ADRA1A: variants seen among roughly 807,000 people sequenced by gnomAD.
The protein encoded by ADRA1A is adrenoceptor alpha 1A.
In ADRA1A, 31 loss-of-function variants were observed where a neutral mutation model predicts 29.6. The observed-to-expected ratio is 1.05, with a 90% CI of 0.79 to 1.41. The LOEUF is 1.41. ADRA1A is among the 40% of genes most tolerant of loss of function. The pLI is 0.00. For missense variants in ADRA1A, 619 were observed against 601.1 expected (o/e 1.03, Z -0.31); for synonymous variants, 311 against 254.3 (o/e 1.22, Z -2.12).
downstream of ADRA1A, among the ~76,000 whole-genome samples, chr8:26,764,578 G>C (rs1805673822): frequency 6.6e-6 from 1 of 152,190 alleles, no homozygotes; most frequent in Non-Finnish European, 1.5e-5. Context: ...AAAGGAGTCG[G>C]AGGCTGGATT....
chr8:26,762,973 A>G (rs1047858332), downstream of ADRA1A, among the ~76,000 whole-genome samples: 1 of 152,160 alleles, frequency 6.6e-6, no homozygotes, highest in African/African-American at 2.4e-5. The surrounding 1 kb of genome is among the most constrained non-coding windows in gnomAD (Gnocchi z 4.0). Context: ...TGGTATTCTT[A>G]GGGGAGGGCT....
downstream of ADRA1A, chr8:26,765,783 A>G (rs368413293): frequency 1.6e-6 from 2 of 1,214,798 alleles, no homozygotes; most frequent in Non-Finnish European, 2.1e-6. Context: ...TTTTTGGCCA[A>G]AGGACCTGAG....
chr8:26,774,038 G>A (rs914101118), intron 2 of ADRA1A, among the ~76,000 whole-genome samples: 3 of 152,206 alleles, frequency 2.0e-5, no homozygotes, highest in Admixed American at 6.5e-5. Context: ...CTAACCCCAG[G>A]AATATTTTCT....
chr8:26,765,268 C>A (rs1004305386), downstream of ADRA1A, among the ~76,000 whole-genome samples: 3 of 152,212 alleles, frequency 2.0e-5, no homozygotes, highest in Non-Finnish European at 4.4e-5. Flanking sequence ...AATTCTCAAC[C>A]CCTCCTCCAC....
At chr8:26,822,896 A>T (rs1433261081) in intron 2 of ADRA1A, among the ~76,000 whole-genome samples, 1 of 152,108 alleles carries the variant, frequency 6.6e-6, no homozygotes, top group East Asian at 1.9e-4. Flanking sequence ...ACACACTTTT[A>T]ATAAACAAAT....
intron 2 of ADRA1A, among the ~76,000 whole-genome samples, chr8:26,812,725 C>A (rs552725340): frequency 6.6e-6 from 1 of 151,468 alleles, no homozygotes; most frequent in Admixed American, 6.6e-5. Context: ...AGTGCAGTGG[C>A]GCGGTCTCGG....
chr8:26,769,048 T>C lies in ADRA1A; in HGVS notation c.*1101A>G, dbSNP rs1805948190. On this transcript the variant is annotated 3_prime_UTR_variant, in exon 3 of 3. Transcript: ENST00000380573. ...AGTATTTTTCAAAGTTCGGGAATAATGTACTTGGATCATAAGGCTCATTCC... is the reference window on the plus strand; with the variant it reads ...AGTATTTTTCAAAGTTCGGGAATAACGTACTTGGATCATAAGGCTCATTCC... The C allele has an allele frequency of 2.0e-6, 2 of 985,334 alleles. No homozygotes were observed. The highest frequency in any genetic ancestry group is 4.7e-5 in the South Asian group (1 of 21,296). 61.0% of individuals were successfully genotyped at this position (985,334 alleles called of 1,614,324 possible).
intron 2 of ADRA1A, among the ~76,000 whole-genome samples, chr8:26,785,947 T>G (rs1458982655): frequency 6.6e-6 from 1 of 152,202 alleles, no homozygotes; most frequent in East Asian, 1.9e-4. Flanking sequence ...TGTCAGGCCC[T>G]ACTCAGCCAC....
chr8:26,808,942 G>T (rs1364903811), intron 2 of ADRA1A, among the ~76,000 whole-genome samples: 1 of 152,160 alleles, frequency 6.6e-6, no homozygotes, highest in Non-Finnish European at 1.5e-5. Context: ...GCCATTAGAG[G>T]TATCCCAATG....
At chr8:26,813,731 G>T (rs1809574364) in intron 2 of ADRA1A, among the ~76,000 whole-genome samples, 1 of 136,402 alleles carries the variant, frequency 7.3e-6, no homozygotes, top group Non-Finnish European at 1.5e-5. Flanking sequence ...TGATAAGGTG[G>T]CATTTTTTCT....
At chr8:26,783,106 C>T (rs1807114786) in intron 2 of ADRA1A, among the ~76,000 whole-genome samples, 1 of 152,226 alleles carries the variant, frequency 6.6e-6, no homozygotes, top group Non-Finnish European at 1.5e-5. Flanking sequence ...ACCCATTTCT[C>T]ACACTCTTGC....
In ADRA1A at chr8:26,841,326, A is replaced by G. The variant is rs1373814009; in HGVS notation, c.883+22761T>C. Reference sequence around the variant, plus strand: ...GAGGACCACAGTCTCAAGGCCACCTACAGTTTCCTTTACCACCCACTGTCT... The same window carrying G: ...GAGGACCACAGTCTCAAGGCCACCTGCAGTTTCCTTTACCACCCACTGTCT... On this transcript the variant is annotated intron_variant, in intron 2 of 2. Coordinates refer to ENST00000380573, the MANE Select transcript of ADRA1A (RefSeq NM_000680.4). The surrounding 1 kb of genome is among the most constrained non-coding windows in gnomAD (Gnocchi z 4.4). 2.0e-5 allele frequency among the ~76,000 whole-genome samples: 3 copies of G among 152,162 alleles called. No individual in the cohort carries two copies. Among genetic ancestry groups the G allele is most frequent in the Non-Finnish European group, 4.4e-5 (3 of 68,016 alleles).
intron 2 of ADRA1A, among the ~76,000 whole-genome samples, chr8:26,807,567 G>A (rs1324431130): frequency 6.7e-6 from 1 of 148,800 alleles, no homozygotes; most frequent in Non-Finnish European, 1.5e-5. Context: ...TTCAAAGTGG[G>A]GAGGACCATA....
intron 2 of ADRA1A, among the ~76,000 whole-genome samples, chr8:26,804,040 G>A (rs116221329): frequency 0.018 from 2,610 of 145,814 alleles, 66 homozygotes; most frequent in African/African-American, 0.06. Flanking sequence ...TTCCACCACA[G>A]CATCCCAAGT....
In ADRA1A at chr8:26,770,350, G is replaced by A; in HGVS notation, c.1200C>T (p.Phe400=). 3.7e-6 allele frequency: 6 copies of A among 1,614,232 alleles called. No individual in the cohort carries two copies. The highest frequency in any genetic ancestry group is 2.2e-5 in the East Asian group (1 of 44,872). ...KTDGVCEWKF[F]SSMPRGSARI... ...TGGCAGATCCACGGGGCATGGAAGA[G>A]AAAAATTTCCATTCACAAACGCCAT... is the stretch of plus-strand genomic sequence containing the variant. The change falls in exon 3 of 3, where the codon TTC becomes TTT. Residue 400 remains phenylalanine (F), a synonymous_variant. Transcript: ENST00000380573.
chr8:26,826,863 GAA>G (rs1353806975), intron 2 of ADRA1A, among the ~76,000 whole-genome samples: 3 of 152,194 alleles, frequency 2.0e-5, no homozygotes, highest in African/African-American at 7.2e-5. Flanking sequence ...TTCCCAACTG[GAA>G]ATAGATTCAA....
At chr8:26,830,738 C>A (rs554770849) in intron 2 of ADRA1A, among the ~76,000 whole-genome samples, 5 of 152,132 alleles carry the variant, frequency 3.3e-5, no homozygotes, top group Non-Finnish European at 7.3e-5. Context: ...CTGAGATGAT[C>A]CTAGGGGAAA....
intron 2 of ADRA1A, among the ~76,000 whole-genome samples, chr8:26,760,680 A>G (rs1001421174): frequency 3.3e-5 from 5 of 151,772 alleles, no homozygotes; most frequent in African/African-American, 9.7e-5. Flanking sequence ...TTCTTATCCC[A>G]TCTTGTTCTG....
chr8:26,791,006 TCA>T (rs1325662249), intron 2 of ADRA1A, among the ~76,000 whole-genome samples: 2 of 151,742 alleles, frequency 1.3e-5, no homozygotes, highest in African/African-American at 2.4e-5. Context: ...ATACACACAC[TCA>T]CACACACACA....
Sources: allele counts gnomAD v4.1 joint callset (sites outside exome capture counted in the v4.1 genomes callset), GRCh38; gene constraint gnomAD v4.1.1; non-coding constraint Gnocchi (gnomAD v3.1); transcripts MANE v1.5; gene names NCBI Gene and HGNC (gene_info 2026-07-23, HGNC 2026-07-21).